Variants in PRR14L observed in about 807,000 individuals in gnomAD.
PRR14L encodes protein PRR14L.
A neutral mutation model predicts 155.0 loss-of-function variants in PRR14L; 80 were observed. That is an observed-to-expected ratio of 0.52 (90% CI 0.43 to 0.62). PRR14L has a LOEUF of 0.62. Ranked by LOEUF, PRR14L falls within the 20% of genes least tolerant of loss-of-function variation. PRR14L has a pLI of 0.00. For missense variants in PRR14L, 2,469 were observed against 2,548.0 expected (o/e 0.97, Z 0.67); for synonymous variants, 883 against 916.0 (o/e 0.96, Z 0.65).
At chr22:31,743,275 C>T (rs1360659474) in intron 1 of PRR14L, among the ~76,000 whole-genome samples, 1 of 151,986 alleles carries the variant, frequency 6.6e-6, no homozygotes, top group African/African-American at 2.4e-5. Context: ...GCACTCCAGA[C>T]TGGGAGACAA....
chr22:31,740,225 T>C (rs1046217251), intron 1 of PRR14L, among the ~76,000 whole-genome samples: 2 of 150,230 alleles, frequency 1.3e-5, no homozygotes, highest in African/African-American at 4.9e-5. Context: ...CTGGCTAATT[T>C]TTTTATTTTT....
intron 2 of PRR14L, among the ~76,000 whole-genome samples, chr22:31,729,808 A>G (rs1188640522): frequency 2.0e-5 from 3 of 152,126 alleles, no homozygotes; most frequent in African/African-American, 4.8e-5. Flanking sequence ...GTTTGGGATG[A>G]TAAGAAAAGT....
At chr22:31,710,459 C>CTT (rs11300993) in intron 4 of PRR14L, among the ~76,000 whole-genome samples, 4 of 145,920 alleles carry the variant, frequency 2.7e-5, no homozygotes, top group African/African-American at 1.0e-4. Flanking sequence ...TTTAGGGATT[C>CTT]TTTTTTTTTT....
chr22:31,732,984 G>A (rs183988590), intron 2 of PRR14L, among the ~76,000 whole-genome samples: 1 of 150,484 alleles, frequency 6.6e-6, no homozygotes, highest in African/African-American at 2.4e-5. Context: ...TGCTAGAAGT[G>A]TATCTTTTTT....
intron 2 of PRR14L, among the ~76,000 whole-genome samples, chr22:31,730,724 C>A (rs1459027017): frequency 6.6e-6 from 1 of 152,178 alleles, no homozygotes; most frequent in Non-Finnish European, 1.5e-5. Flanking sequence ...CTTTAACAAC[C>A]ATTAATGATT....
At chr22:31,730,023 T>G (rs925682629) in intron 2 of PRR14L, among the ~76,000 whole-genome samples, 10 of 151,804 alleles carry the variant, frequency 6.6e-5, no homozygotes, top group Admixed American at 5.9e-4. Context: ...GTTGCATGTC[T>G]GTAGTCCCAG....
chr22:31,736,446 T>A lies in PRR14L; in HGVS notation c.474+1941A>T, dbSNP rs140657648. 9.4e-3 allele frequency among the ~76,000 whole-genome samples: 1,430 copies of A among 151,822 alleles called. 77 individuals are homozygous for A. Among genetic ancestry groups the A allele is most frequent in the Admixed American group, 0.083 (1,268 of 15,230 alleles). ...TCAAATATCATGTTCAAATGTTACT[T>A]AATGCTTCATTCATTCCTAATCATA... On this transcript the variant is annotated intron_variant, in intron 2 of 8. Coordinates refer to ENST00000327423, the MANE Select transcript of PRR14L (RefSeq NM_173566.3).
At chr22:31,703,765 C>A in intron 5 of PRR14L, 44 bp from the exon 6 acceptor site, 6 of 1,198,696 alleles carry the variant, frequency 5.0e-6, no homozygotes, top group Non-Finnish European at 5.7e-6. Context: ...GGTTCCCTTT[C>A]TACTTCCAGC....
chr22:31,690,535 A>C (rs2147852321), intron 7 of PRR14L, among the ~76,000 whole-genome samples: 1 of 152,208 alleles, frequency 6.6e-6, no homozygotes, highest in South Asian at 2.1e-4. Context: ...CCCAGGTTAA[A>C]GTGCAGTGGT....
At chr22:31,711,427 C>T (rs1601502231) in intron 4 of PRR14L, among the ~76,000 whole-genome samples, 1 of 151,978 alleles carries the variant, frequency 6.6e-6, no homozygotes, top group Non-Finnish European at 1.5e-5. Context: ...GCCGAGATTG[C>T]GCCACTGCAT....
intron 2 of PRR14L, among the ~76,000 whole-genome samples, chr22:31,729,798 G>A (rs1480089186): frequency 6.6e-6 from 1 of 152,134 alleles, no homozygotes; most frequent in East Asian, 1.9e-4. Context: ...CTGAGTTTCA[G>A]TTTGGGATGA....
At position 31,714,052 on chromosome 22, in the gene PRR14L, T is replaced by G. The variant is rs1445635757; in HGVS notation, c.3787A>C (p.Lys1263Gln). The change falls in exon 4 of 9, where the codon AAA becomes CAA. Residue 1263 changes from lysine to glutamine, a missense_variant. By Grantham distance (53) the Lys-to-Gln change is moderately conservative (BLOSUM62 1). Coordinates refer to ENST00000327423, the MANE Select transcript of PRR14L (RefSeq NM_173566.3). ...SEETDLKNLC[K>Q]PKDGEMLCEN... Reference sequence around the variant, plus strand: ...CAAAGCATTTCACCATCTTTTGGTTTACAAAGATTTTTCAGGTCAGTTTCT... The same window carrying G: ...CAAAGCATTTCACCATCTTTTGGTTGACAAAGATTTTTCAGGTCAGTTTCT... The G allele has an allele frequency of 1.3e-6, 2 of 1,550,140 alleles. No individual in the cohort carries two copies. The highest frequency in any genetic ancestry group is 2.7e-5 in the African/African-American group (2 of 72,874).
rs2074478431 is a variant in PRR14L, at chr22:31,685,586, T to C, written c.6397A>G (p.Met2133Val). 2 of 1,551,946 alleles carry C rather than the reference T, an allele frequency of 1.3e-6. No homozygotes were observed. The highest frequency in any genetic ancestry group is 2.7e-5 in the African/African-American group (2 of 73,012). The change falls in exon 9 of 9, where the codon ATG becomes GTG. Residue 2133 changes from methionine (M) to valine (V), a missense_variant. Physicochemically the swap from Met to Val is conservative, Grantham distance 21. Coordinates refer to ENST00000327423, the MANE Select transcript of PRR14L (RefSeq NM_173566.3). ...TTGGCAAAGAAGGTCTCCAGTTCCA[T>C]TAGTTTCTGTATCAAAAGAGCATCC... ...ELDALLIQKL[M>V]ELETFFAKEE...
At chr22:31,698,790 C>A (rs975629487) in intron 7 of PRR14L, among the ~76,000 whole-genome samples, 2 of 151,266 alleles carry the variant, frequency 1.3e-5, no homozygotes, top group African/African-American at 4.8e-5. Flanking sequence ...GGCGTACTGG[C>A]GGGCGCCTGT....
At chr22:31,748,261 G>T (rs2074851298) in intron 1 of PRR14L, among the ~76,000 whole-genome samples, 1 of 152,168 alleles carries the variant, frequency 6.6e-6, no homozygotes, top group South Asian at 2.1e-4. Context: ...GAGAAACAAA[G>T]AAAGAAGAGT....
intron 7 of PRR14L, among the ~76,000 whole-genome samples, chr22:31,692,848 C>T (rs2074517951): frequency 6.6e-6 from 1 of 151,800 alleles, no homozygotes; most frequent in Non-Finnish European, 1.5e-5. Flanking sequence ...TCATGCTGCC[C>T]GGGCTGGCCT....
chr22:31,695,564 C>G (rs1021569036), intron 7 of PRR14L, among the ~76,000 whole-genome samples: 1 of 152,156 alleles, frequency 6.6e-6, no homozygotes, highest in Non-Finnish European at 1.5e-5. Context: ...CTTATGCCCT[C>G]AGTGGTAACC....
In PRR14L at chr22:31,746,802, T is replaced by TC. The variant is rs1397099703; in HGVS notation, c.-52+3190_-52+3191insG. Among the ~76,000 whole-genome samples, 4 of 150,126 alleles carry TC rather than the reference T, an allele frequency of 2.7e-5. No homozygotes were observed. The East Asian group carries it at 7.8e-4, about 29-fold the overall frequency. Reference sequence around the variant, plus strand: ...AATACTTCTCCCAGCAGTCTTTTTTTTTTTTTTTTTTTGAGACGGAGTCTC... The same window carrying TC: ...AATACTTCTCCCAGCAGTCTTTTTTTCTTTTTTTTTTTTGAGACGGAGTCTC... On this transcript the variant is annotated intron_variant, in intron 1 of 8. Transcript: ENST00000327423.
At chr22:31,708,661 G>A (rs2074604403) in intron 4 of PRR14L, among the ~76,000 whole-genome samples, 2 of 151,662 alleles carry the variant, frequency 1.3e-5, no homozygotes, top group African/African-American at 4.9e-5. Flanking sequence ...ATTTTCTTGA[G>A]ACAGAGTCTC....
Sources: allele counts gnomAD v4.1 joint callset (sites outside exome capture counted in the v4.1 genomes callset), GRCh38; gene constraint gnomAD v4.1.1; transcripts MANE v1.5; gene names NCBI Gene and HGNC (gene_info 2026-07-23, HGNC 2026-07-21).